CHODL: variants seen among roughly 807,000 people sequenced by gnomAD.
CHODL encodes the protein transmembrane protein MT75.
CHODL carries 29 observed loss-of-function variants against 34.5 expected under a neutral mutation model. The ratio of observed to expected loss-of-function variants is 0.84; its 90% CI spans 0.63 to 1.15. The LOEUF is 1.15. Ranked by LOEUF, CHODL falls within the 50% of genes most tolerant of loss-of-function variation. The pLI is 0.00. For synonymous variants in CHODL, 125 were observed against 116.1 expected, an observed-to-expected ratio of 1.08 and a Z score of -0.49; for missense variants, 332 against 332.5, an observed-to-expected ratio of 1.00 and a Z score of 0.01.
chr21:18,160,596 C>T lies in CHODL; in HGVS notation c.-44-95913C>T, dbSNP rs576060377. Among the ~76,000 whole-genome samples, 32 of 152,176 alleles carry T rather than the reference C, an allele frequency of 2.1e-4. No individual in the cohort carries two copies. In the South Asian group the frequency reaches 6.4e-3, roughly 31 times the overall value. ...GTAAGAACATTCAGTGTTTGGTTTT[C>T]TGTTCTTGTGTTAGTTTGCTAAGGA... On this transcript the variant is annotated intron_variant, in intron 2 of 6. Coordinates refer to the CHODL transcript ENST00000400127.
intron 1 of CHODL, among the ~76,000 whole-genome samples, chr21:17,965,931 CAG>C (rs1272699844): frequency 3.3e-5 from 3 of 89,628 alleles, no homozygotes; most frequent in African/African-American, 7.2e-5. Context: ...TTTTTTTAAA[CAG>C]GGGACTTATT....
In CHODL at chr21:18,061,704, G is replaced by T. The variant is rs150506183; in HGVS notation, c.-45+33733G>T. Among the ~76,000 whole-genome samples the T allele has an allele frequency of 1.2e-3, 177 of 152,276 alleles. 1 individual carries two copies. Among genetic ancestry groups the T allele is most frequent in the African/African-American group, 4.1e-3 (171 of 41,556 alleles). The stretch of plus-strand genomic sequence containing the variant: ...CCAACAAAAGACTCTCCACAATTTC[G>T]TGGTGGTGGTGGCAATGATGATGAT... On this transcript the variant is annotated intron_variant, in intron 2 of 6. Coordinates refer to the CHODL transcript ENST00000400127.
At chr21:18,247,895 T>C (rs191558996) in intron 1 of CHODL, among the ~76,000 whole-genome samples, 87 of 152,154 alleles carry the variant, frequency 5.7e-4, no homozygotes, top group Middle Eastern at 3.4e-3. Flanking sequence ...ATTTTACTTG[T>C]AGGCATAAGG....
intron 2 of CHODL, among the ~76,000 whole-genome samples, chr21:18,086,488 T>C (rs962990158): frequency 2.6e-5 from 4 of 152,196 alleles, no homozygotes; most frequent in Non-Finnish European, 5.9e-5. Context: ...TTACAAGTTT[T>C]AATTGTAGGG....
At chr21:18,196,872 C>T in intron 2 of CHODL, among the ~76,000 whole-genome samples, 1 of 152,048 alleles carries the variant, frequency 6.6e-6, no homozygotes. Flanking sequence ...TCAGTTATGC[C>T]AATGAATTGT....
chr21:18,000,596 G>A (rs1449997562), intron 1 of CHODL, among the ~76,000 whole-genome samples: 3 of 152,066 alleles, frequency 2.0e-5, no homozygotes, highest in Non-Finnish European at 2.9e-5. Flanking sequence ...CCATGACATT[G>A]TTTAAATAAT....
At chr21:18,028,136 A>T (rs2064196563) in intron 2 of CHODL, among the ~76,000 whole-genome samples, 1 of 151,986 alleles carries the variant, frequency 6.6e-6, no homozygotes. Flanking sequence ...TTTGTTGGGA[A>T]TTTTTTTGAA....
intron 1 of CHODL, among the ~76,000 whole-genome samples, chr21:18,017,513 G>T (rs1474737992): frequency 1.3e-5 from 2 of 152,230 alleles, no homozygotes; most frequent in African/African-American, 4.8e-5. Flanking sequence ...GAGGGCATGA[G>T]CCATAAGCCT....
At chr21:18,086,861 T>A (rs2065013800) in intron 2 of CHODL, among the ~76,000 whole-genome samples, 1 of 152,070 alleles carries the variant, frequency 6.6e-6, no homozygotes, top group Non-Finnish European at 1.5e-5. Context: ...AAGCCAGTAG[T>A]GAAAGTGGTG....
chr21:18,013,057 G>A (rs1031475789), intron 1 of CHODL, among the ~76,000 whole-genome samples: 4 of 152,142 alleles, frequency 2.6e-5, no homozygotes, highest in Admixed American at 6.5e-5. Flanking sequence ...CAGTAACTAC[G>A]TGGGAATCTG....
chr21:18,081,805 T>C (rs2146514964), intron 2 of CHODL, among the ~76,000 whole-genome samples: 1 of 152,302 alleles, frequency 6.6e-6, no homozygotes, highest in East Asian at 1.9e-4. Context: ...ATATATTGCC[T>C]TTTTTACATT....
At chr21:18,010,118 C>CAAAAAAA (rs547675850) in intron 1 of CHODL, among the ~76,000 whole-genome samples, 5 of 61,216 alleles carry the variant, frequency 8.2e-5, no homozygotes, top group African/African-American at 2.0e-4. Context: ...TACTAAAATA[C>CAAAAAAA]AAAAAAAAAA....
chr21:18,056,457 G>T (rs576028009), intron 2 of CHODL, among the ~76,000 whole-genome samples: 2 of 147,928 alleles, frequency 1.4e-5, no homozygotes, highest in South Asian at 2.1e-4. Context: ...ATGTGCATTG[G>T]CATGGGCCTA....
chr21:18,175,045 G>C (rs2146667372), intron 2 of CHODL, among the ~76,000 whole-genome samples: 1 of 152,258 alleles, frequency 6.6e-6, no homozygotes, highest in South Asian at 2.1e-4. Context: ...TACATTTGTA[G>C]ACAGGATTGA....
rs76312810 is a variant in CHODL, at chr21:18,210,876, T to A, written c.-44-45633T>A. ...ACATTACTTCTCCAAAGTTGTTCCA[T>A]CACATTCAGAATAAAAGTTAAAGTC... On this transcript the variant is annotated intron_variant, in intron 2 of 6. Coordinates refer to the CHODL transcript ENST00000400127. Among the ~76,000 whole-genome samples, 17 of 152,270 alleles carry A rather than the reference T, an allele frequency of 1.1e-4. No homozygotes were observed. The East Asian group carries it at 3.3e-3, about 29-fold the overall frequency.
At chr21:18,216,319 G>A (rs566661350) in intron 2 of CHODL, among the ~76,000 whole-genome samples, 1 of 152,172 alleles carries the variant, frequency 6.6e-6, no homozygotes, top group South Asian at 2.1e-4. Context: ...TTTTAAAATA[G>A]ACGATAAATT....
At chr21:17,918,622 T>C (rs768251848) in intron 1 of CHODL, among the ~76,000 whole-genome samples, 10 of 152,122 alleles carry the variant, frequency 6.6e-5, no homozygotes, top group African/African-American at 1.9e-4. Context: ...AGATGAGATA[T>C]GGGTGGGGAC....
At chr21:18,138,494 A>C (rs2072763471) in intron 2 of CHODL, among the ~76,000 whole-genome samples, 1 of 152,122 alleles carries the variant, frequency 6.6e-6, no homozygotes. Flanking sequence ...CTGTTATCAT[A>C]TTTATAGTCA....
chr21:18,109,927 T>A (rs1290218034), intron 2 of CHODL, among the ~76,000 whole-genome samples: 1 of 152,108 alleles, frequency 6.6e-6, no homozygotes, highest in African/African-American at 2.4e-5. Context: ...AGACATGTGC[T>A]CTCTTACAGG....
Sources: gnomAD v4.1 joint callset for allele counts (sites outside exome capture counted in the v4.1 genomes callset) on GRCh38, gnomAD v4.1.1 for gene constraint, MANE v1.5 for transcripts, NCBI Gene and HGNC (gene_info 2026-07-23, HGNC 2026-07-21) for gene names.